HOXD3: variants seen among roughly 807,000 people sequenced by gnomAD.
HOXD3 encodes the protein homeobox protein Hox-D3.
Under a neutral mutation model 32.8 loss-of-function variants are expected in HOXD3, and 13 were observed. The observed-to-expected ratio is 0.40, with a 90% CI of 0.26 to 0.63. The LOEUF (loss-of-function observed/expected upper bound fraction) is 0.63. Ranked by LOEUF, HOXD3 falls within the 20% of genes least tolerant of loss-of-function variation. The pLI, the probability that HOXD3 is intolerant of heterozygous loss-of-function variation, is 0.44. For synonymous variants in HOXD3, 241 were observed against 246.8 expected (o/e 0.98, Z 0.22); for missense variants, 504 against 577.1 (o/e 0.87, Z 1.30).
upstream of HOXD3, chr2:176,153,116 A>G: frequency 2.7e-6 from 1 of 368,366 alleles, no homozygotes; most frequent in Non-Finnish European, 5.3e-6. Flanking sequence ...CCCCCTCCCT[A>G]GAGCGGGATG....
intron 1 of HOXD3, among the ~76,000 whole-genome samples, chr2:176,163,785 G>T (rs1171359825): frequency 6.6e-6 from 1 of 152,124 alleles, no homozygotes; most frequent in Non-Finnish European, 1.5e-5. Context: ...AGAGCAGATT[G>T]GCTTCCCTGC....
upstream of HOXD3, chr2:176,153,138 G>C (rs1194408797): frequency 2.5e-5 from 13 of 516,840 alleles, 1 homozygote; most frequent in South Asian, 1.4e-4. Context: ...GGATGGGAGG[G>C]GGGGCGGGAT....
At chr2:176,160,797 G>C (rs1220212884) in intron 1 of HOXD3, 1 of 152,136 alleles carries the variant, frequency 6.6e-6, no homozygotes. Flanking sequence ...CTCTGGGCCC[G>C]AGAGCGGACG....
chr2:176,156,914 T>C (rs374102928), upstream of HOXD3, among the ~76,000 whole-genome samples: 5 of 152,276 alleles, frequency 3.3e-5, no homozygotes, highest in East Asian at 5.8e-4. Context: ...GGCAGAAGTT[T>C]AAATATTCAG....
intron 2 of HOXD3, 100 bp from the exon 3 acceptor site, chr2:176,168,931 G>A (rs904089965): frequency 6.2e-5 from 51 of 826,430 alleles, no homozygotes; most frequent in Middle Eastern, 3.7e-4. Context: ...TCTCCCCGCC[G>A]TGAAGTGGGT....
chr2:176,158,852 A>C (rs1456516779), intron 1 of HOXD3, among the ~76,000 whole-genome samples: 1 of 123,458 alleles, frequency 8.1e-6, no homozygotes, highest in Non-Finnish European at 1.6e-5. Context: ...ACCCACCTAG[A>C]TATCCCCTTG....
chr2:176,170,588 G>T (rs1691137897), intron 3 of HOXD3, among the ~76,000 whole-genome samples: 1 of 152,184 alleles, frequency 6.6e-6, no homozygotes, highest in Non-Finnish European at 1.5e-5. Flanking sequence ...CAGGTCCAGG[G>T]CAAGTTTGGG....
Position 176,171,817 on chromosome 2 carries a change from C to T in HOXD3, c.842C>T (p.Ala281Val). The change falls in exon 4 of 4, where the codon GCC becomes GTC. Residue 281 changes from alanine to valine, a missense_variant. Physicochemically the swap from Ala to Val is moderately conservative, Grantham distance 64. Transcript: ENST00000683222. ...PPLGGAAGHV[A>V]YSGQLPPVPG... is the part of the protein sequence containing the mutation. ...CTCGGCGGCGCCGCTGGCCACGTGG[C>T]CTACTCCGGCCAGCTGCCGCCAGTG... The T allele has an allele frequency of 1.2e-6, 2 of 1,609,584 alleles. No individual in the cohort carries two copies. Among genetic ancestry groups the T allele is most frequent in the Admixed American group, 1.7e-5 (1 of 59,674 alleles).
chr2:176,152,743 C>G, upstream of HOXD3: 1 of 1,614,204 alleles, frequency 6.2e-7, no homozygotes. This position sits in a 1 kb window ranked among gnomAD's most constrained non-coding sequence, Gnocchi z 5.2. Context: ...ATCGCTCACA[C>G]CCTGTGTCTG....
At chr2:176,152,842 C>T, upstream of HOXD3, 1 of 1,614,186 alleles carries the variant, frequency 6.2e-7, no homozygotes, top group Non-Finnish European at 8.5e-7. The surrounding 1 kb of genome is among the most constrained non-coding windows in gnomAD (Gnocchi z 5.2). Context: ...GGCAGGTCAT[C>T]GTCCTCATCT....
upstream of HOXD3, chr2:176,152,557 T>TA (rs1239686315): frequency 6.7e-7 from 1 of 1,491,036 alleles, no homozygotes; most frequent in Admixed American, 1.7e-5. This position sits in a 1 kb window ranked among gnomAD's most constrained non-coding sequence, Gnocchi z 5.2. Flanking sequence ...GCGAGGGGCC[T>TA]AACTAGTGGC....
chr2:176,152,888 C>T (rs371037366), upstream of HOXD3: 1 of 1,614,088 alleles, frequency 6.2e-7, no homozygotes, highest in African/African-American at 1.3e-5. This position sits in a 1 kb window ranked among gnomAD's most constrained non-coding sequence, Gnocchi z 5.2. Context: ...TCGCCCCCAG[C>T]CAGCATTTAC....
chr2:176,155,199 AC>A (rs1291676885), upstream of HOXD3, among the ~76,000 whole-genome samples: 2 of 152,156 alleles, frequency 1.3e-5, no homozygotes, highest in Non-Finnish European at 2.9e-5. Context: ...TATACATTGA[AC>A]CTTCTCTTTG....
chr2:176,161,344 C>A (rs1479783401), intron 1 of HOXD3, among the ~76,000 whole-genome samples: 1 of 152,156 alleles, frequency 6.6e-6, no homozygotes, highest in African/African-American at 2.4e-5. Context: ...GGGTGGCCGG[C>A]AGCATTGGGG....
chr2:176,172,662 ATT>A lies in HOXD3; in HGVS notation c.*390_*391del. 1 of 225,736 alleles carries A rather than the reference ATT, an allele frequency of 4.4e-6. No homozygotes were observed. Among genetic ancestry groups the A allele is most frequent in the Non-Finnish European group, 8.7e-6 (1 of 115,386 alleles). 14.0% of individuals were successfully genotyped at this position (225,736 alleles called of 1,614,324 possible). On this transcript the variant is annotated 3_prime_UTR_variant, in exon 4 of 4. Transcript: ENST00000683222. The stretch of plus-strand genomic sequence containing the variant: ...GTCTAGCTTAGTTTCAGAGACCTTA[ATT>A]TATATTCTCCTTCCTGTGCCGTAAG...
At chr2:176,169,706 C>A in intron 3 of HOXD3, 51 bp downstream of exon 3, 1 of 1,523,420 alleles carries the variant, frequency 6.6e-7, no homozygotes, top group South Asian at 1.3e-5. Flanking sequence ...CCAGATTGAC[C>A]CAAGGAAGCC....
intron 1 of HOXD3, among the ~76,000 whole-genome samples, chr2:176,157,710 CAGAG>C (rs1195501392): frequency 6.6e-6 from 1 of 152,116 alleles, no homozygotes; most frequent in African/African-American, 2.4e-5. Context: ...GAGACAGAGA[CAGAG>C]ACAGAGATAG....
intron 2 of HOXD3, among the ~76,000 whole-genome samples, chr2:176,168,260 A>C (rs535871224): frequency 2.3e-5 from 2 of 86,848 alleles, no homozygotes; most frequent in Admixed American, 2.6e-4. Flanking sequence ...CCCTGTCTCT[A>C]CAAAAAAAAA....
At chr2:176,160,247 C>T (rs934863133) in intron 1 of HOXD3, among the ~76,000 whole-genome samples, 1 of 152,198 alleles carries the variant, frequency 6.6e-6, no homozygotes, top group Non-Finnish European at 1.5e-5. Context: ...GGGGTACCCT[C>T]AGCCTCTGCT....
Sources: allele counts gnomAD v4.1 joint callset (sites outside exome capture counted in the v4.1 genomes callset), GRCh38; gene constraint gnomAD v4.1.1; non-coding constraint Gnocchi (gnomAD v3.1); transcripts MANE v1.5; gene names NCBI Gene and HGNC (gene_info 2026-07-23, HGNC 2026-07-21).